The following DPP6 variants were observed in gnomAD, a reference collection of about 807,000 sequenced individuals.
DPP6 encodes dipeptidyl peptidase like 6, also known as A-type potassium channel modulatory protein DPP6.
In DPP6, 69 loss-of-function variants were observed where a neutral mutation model predicts 122.6. The ratio of observed to expected loss-of-function variants is 0.56; its 90% CI spans 0.46 to 0.69. DPP6 has a LOEUF of 0.69. DPP6 is among the 30% of genes least tolerant of loss of function. DPP6 has a pLI of 0.00. For synonymous variants in DPP6, 418 were observed against 433.1 expected (o/e 0.97, Z 0.43); for missense variants, 928 against 1,116.9 (o/e 0.83, Z 2.41).
At chr7:154,682,437 G>A (rs974938675) in intron 7 of DPP6, among the ~76,000 whole-genome samples, 1 of 152,230 alleles carries the variant, frequency 6.6e-6, no homozygotes, top group Non-Finnish European at 1.5e-5. Flanking sequence ...ATAAGGAACA[G>A]TGAGGCCTCG....
intron 1 of DPP6, among the ~76,000 whole-genome samples, chr7:154,213,473 G>C (rs184743652): frequency 6.6e-6 from 1 of 152,262 alleles, no homozygotes; most frequent in Non-Finnish European, 1.5e-5. Flanking sequence ...GTGAGGAATT[G>C]CTGCAAGGAC....
rs764585943 is a variant in DPP6, at chr7:154,892,377, A to G, written c.2495A>G (p.Lys832Arg). The change falls in exon 26 of 26, where the codon AAA becomes AGA. Residue 832 changes from lysine (K) to arginine (R), a missense_variant. Physicochemically the swap from Lys to Arg is conservative, Grantham distance 26 (BLOSUM62 2). Transcript: ENST00000377770. ...ESHYFTSSSLKQHLYRSIINF... is the reference protein window; with the variant it reads ...ESHYFTSSSLRQHLYRSIINF... ...CATTACTTTACCAGCTCCAGCCTCAAACAGCATCTGTACCGGTCCATCATC... is the reference window on the plus strand; with the variant it reads ...CATTACTTTACCAGCTCCAGCCTCAGACAGCATCTGTACCGGTCCATCATC... 1 of 1,614,052 alleles carries G rather than the reference A, an allele frequency of 6.2e-7. No homozygotes were observed. The highest frequency in any genetic ancestry group is 8.5e-7 in the Non-Finnish European group (1 of 1,179,898).
chr7:154,768,104 C>T (rs148530198), intron 8 of DPP6, among the ~76,000 whole-genome samples: 19 of 152,330 alleles, frequency 1.2e-4, no homozygotes, highest in South Asian at 4.1e-4. Flanking sequence ...TCATGGGCAG[C>T]GTGCCTGCTG....
chr7:154,809,463 A>C (rs568219905), intron 16 of DPP6, among the ~76,000 whole-genome samples: 6 of 152,152 alleles, frequency 3.9e-5, no homozygotes, highest in African/African-American at 7.2e-5. Flanking sequence ...TTCATCCTTG[A>C]AGTAATCTTT....
intron 3 of DPP6, among the ~76,000 whole-genome samples, chr7:154,505,112 C>T (rs959287193): frequency 2.0e-5 from 3 of 152,182 alleles, no homozygotes; most frequent in African/African-American, 7.2e-5. Context: ...ATACTGTAGT[C>T]TCTTCAGAGA....
intron 1 of DPP6, among the ~76,000 whole-genome samples, chr7:154,210,028 C>A (rs1404237230): frequency 2.0e-5 from 3 of 152,188 alleles, no homozygotes; most frequent in Non-Finnish European, 2.9e-5. Flanking sequence ...AAACTCCACC[C>A]TCTCTGGCTT....
At chr7:154,124,036 C>T (rs1283315718) in intron 1 of DPP6, among the ~76,000 whole-genome samples, 28 of 151,446 alleles carry the variant, frequency 1.8e-4, no homozygotes, top group East Asian at 7.8e-4. Context: ...ATGCCGCCCA[C>T]GCACGGGGCT....
intron 4 of DPP6, among the ~76,000 whole-genome samples, chr7:154,542,849 A>C (rs1274866450): frequency 6.6e-6 from 1 of 152,202 alleles, no homozygotes; most frequent in Non-Finnish European, 1.5e-5. Flanking sequence ...TCTGGATTTA[A>C]TTTCCGCAGA....
At chr7:154,695,230 C>G (rs1249839937) in intron 7 of DPP6, among the ~76,000 whole-genome samples, 1 of 152,126 alleles carries the variant, frequency 6.6e-6, no homozygotes, top group Non-Finnish European at 1.5e-5. Context: ...GATGCCTCGG[C>G]CCCCGGGTAC....
At chr7:154,120,182 CT>C (rs1424344036) in intron 1 of DPP6, among the ~76,000 whole-genome samples, 1 of 151,808 alleles carries the variant, frequency 6.6e-6, no homozygotes, top group Non-Finnish European at 1.5e-5. Context: ...ATTTTTATCA[CT>C]CACTATACTT....
intron 20 of DPP6, 183 bp downstream of exon 20, chr7:154,876,283 C>T: frequency 9.1e-7 from 1 of 1,094,084 alleles, no homozygotes; most frequent in Non-Finnish European, 1.2e-6. Flanking sequence ...GAATCTTCTC[C>T]TAGGGACATT....
At chr7:154,564,415 G>A (rs1415499837) in intron 4 of DPP6, among the ~76,000 whole-genome samples, 1 of 152,202 alleles carries the variant, frequency 6.6e-6, no homozygotes, top group Non-Finnish European at 1.5e-5. Context: ...ACATCTACAG[G>A]AGGGTCAAAA....
intron 8 of DPP6, among the ~76,000 whole-genome samples, chr7:154,767,079 GT>G (rs1243134196): frequency 5.3e-5 from 8 of 151,084 alleles, no homozygotes; most frequent in Non-Finnish European, 1.2e-4. Flanking sequence ...TGTTATTGTT[GT>G]TTGTTTGTTT....
rs181385298 is a variant in DPP6 at position 154,774,903 on chromosome 7, C to A, written c.1136+1961C>A. On this transcript the variant is annotated intron_variant, in intron 10 of 25. Transcript: ENST00000377770. ...CTGTGGAAACGTGTGGAAGAGGAGG[C>A]CACCTGGTCTGGAGGGTGGCAGTGT... Among the ~76,000 whole-genome samples the A allele has an allele frequency of 2.5e-3, 384 of 152,274 alleles. 1 individual carries two copies. The highest frequency in any genetic ancestry group is 9.0e-3 in the African/African-American group (373 of 41,558).
In DPP6 at chr7:154,889,687, C is replaced by T. The variant is rs895184837; in HGVS notation, c.2451+157C>T. 22 of 1,150,754 alleles carry T rather than the reference C, an allele frequency of 1.9e-5. No homozygotes were observed. In the African/African-American group the frequency reaches 3.3e-4, roughly 17 times the overall value. The allele number at this position is 1,150,754 out of a possible 1,614,324, so 71.3% of individuals were successfully genotyped here. On this transcript the variant is annotated intron_variant, in intron 25 of 25. Coordinates refer to ENST00000377770, the MANE Select transcript of DPP6 (RefSeq NM_130797.4). The stretch of plus-strand genomic sequence containing the variant: ...GTCCCAGCAGGTTGGAAAATCAGCA[C>T]ATGCTCAACGTTTTCTTATAATTAA...
the DPP6 span, among the ~76,000 whole-genome samples, chr7:153,827,686 C>G: frequency 1.3e-5 from 2 of 152,076 alleles, no homozygotes; most frequent in Non-Finnish European, 2.9e-5. Flanking sequence ...ACACCAGAGT[C>G]CACTTCTGGT....
intron 13 of DPP6, among the ~76,000 whole-genome samples, chr7:154,803,088 A>AG (rs1798473683): frequency 6.6e-6 from 1 of 151,676 alleles, no homozygotes; most frequent in South Asian, 2.1e-4. Context: ...CTGCGCCCCC[A>AG]GGCCCTGCTG....
the DPP6 span, among the ~76,000 whole-genome samples, chr7:153,801,778 C>A: frequency 2.4e-3 from 358 of 152,286 alleles, no homozygotes; most frequent in Admixed American, 4.1e-3. Context: ...AAAAGTCCTG[C>A]ATTAAAATTC....
chr7:154,635,422 C>A (rs960742041), intron 5 of DPP6, among the ~76,000 whole-genome samples: 9 of 152,188 alleles, frequency 5.9e-5, no homozygotes, highest in Admixed American at 5.2e-4. Context: ...ACTATTTTAA[C>A]AAGGAATTTA....
Sources: gnomAD v4.1 joint callset for allele counts (sites outside exome capture counted in the v4.1 genomes callset) on GRCh38, gnomAD v4.1.1 for gene constraint, MANE v1.5 for transcripts, NCBI Gene and HGNC (gene_info 2026-07-23, HGNC 2026-07-21) for gene names.